The following CCDC124 variants were observed in gnomAD, a reference collection of about 807,000 sequenced individuals.
CCDC124 encodes coiled-coil domain-containing protein 124.
Under a neutral mutation model 19.8 loss-of-function variants are expected in CCDC124, and 9 were observed. The ratio of observed to expected loss-of-function variants is 0.45; its 90% CI spans 0.27 to 0.79. The LOEUF (loss-of-function observed/expected upper bound fraction) is 0.79. Among genes scored for constraint, CCDC124 ranks in the 30% least tolerant of loss-of-function variants. The pLI is 0.14. For missense variants in CCDC124, 285 were observed against 319.0 expected (o/e 0.89, Z 0.81); for synonymous variants, 126 against 131.3 (o/e 0.96, Z 0.27).
At chr19:17,940,353 G>A (rs2031152681) in intron 2 of CCDC124, among the ~76,000 whole-genome samples, 1 of 152,148 alleles carries the variant, frequency 6.6e-6, no homozygotes, top group East Asian at 1.9e-4. Context: ...TTGGGGCCAG[G>A]TGGTGAATAG....
At chr19:17,943,428 C>A in intron 4 of CCDC124, 53 bp downstream of exon 4, 1 of 325,696 alleles carries the variant, frequency 3.1e-6, no homozygotes, top group Non-Finnish European at 5.1e-6. Context: ...TCATCGGGGG[C>A]GGGGCTACCT....
rs149338568 is a variant in CCDC124, at chr19:17,943,687, G to A, written c.644G>A (p.Arg215Gln). ...TCTCCTGACAACCCCATGAACCAGCGGGCCGTGCCCTTCAATGCCCCCAAG... is the reference window on the plus strand; with the variant it reads ...TCTCCTGACAACCCCATGAACCAGCAGGCCGTGCCCTTCAATGCCCCCAAG... Reference protein sequence around the residue: ...LRSPDNPMNQRAVPFNAPK With the variant: ...LRSPDNPMNQQAVPFNAPK Residue 215 changes from arginine to glutamine, a missense_variant, in exon 5 of 5, where the codon CGG becomes CAG. Transcript: ENST00000445755. 2.4e-5 allele frequency: 39 copies of A among 1,612,806 alleles called. No homozygotes were observed. In the East Asian group the frequency reaches 5.3e-4, roughly 22 times the overall value.
At position 17,942,282 on chromosome 19, in the gene CCDC124, C is replaced by G. The variant is rs1221764432; in HGVS notation, c.160-374C>G. On this transcript the variant is annotated intron_variant, in intron 2 of 4. Coordinates refer to ENST00000445755, the MANE Select transcript of CCDC124 (RefSeq NM_001136203.2). The surrounding 1 kb of genome is among the most constrained non-coding windows in gnomAD (Gnocchi z 4.2). ...CCGTCTCCCTCCCGGCCTCTTCCCC[C>G]TCCCGCTTCACTCCCACTCCAGCCT... Among the ~76,000 whole-genome samples the G allele has an allele frequency of 1.3e-5, 2 of 152,170 alleles. No homozygotes were observed. The highest frequency in any genetic ancestry group is 4.8e-5 in the African/African-American group (2 of 41,444).
At chr19:17,935,151 ATCC>A (rs1285062040) in intron 1 of CCDC124, 3 of 152,816 alleles carry the variant, frequency 2.0e-5, no homozygotes, top group African/African-American at 7.2e-5. Flanking sequence ...GCCTCAAGCA[ATCC>A]TCCTGCCTCA....
Position 17,943,491 on chromosome 19 carries a change from C to A in CCDC124, c.465-17C>A, listed in dbSNP as rs1199429604. 2.5e-6 allele frequency: 4 copies of A among 1,607,016 alleles called. No individual in the cohort carries two copies. The highest frequency in any genetic ancestry group is 3.4e-6 in the Non-Finnish European group (4 of 1,178,112). On this transcript the variant is annotated splice_polypyrimidine_tract_variant and intron_variant, in intron 4 of 4. Transcript: ENST00000445755. The stretch of plus-strand genomic sequence containing the variant: ...AGGCTGCGCCCAAGGCCCCCTGACG[C>A]TCATGTCCACCCCCAGCGTGGCGGA...
chr19:17,938,128 C>A (rs995788753), intron 2 of CCDC124, among the ~76,000 whole-genome samples: 1 of 152,170 alleles, frequency 6.6e-6, no homozygotes, highest in Non-Finnish European at 1.5e-5. Flanking sequence ...TTGCTTGAGG[C>A]CAGGAGCTCC....
chr19:17,942,883 C>T lies in CCDC124; in HGVS notation c.349+38C>T. On this transcript the variant is annotated intron_variant, in intron 3 of 4. Transcript: ENST00000445755. The surrounding 1 kb of genome is among the most constrained non-coding windows in gnomAD (Gnocchi z 4.2). ...CCCGCTCTGGAGCTGCACTTTTGCC[C>T]ACTGCAGAGGCAGTGGACCTTGAGT... 2.7e-6 allele frequency: 4 copies of T among 1,472,678 alleles called. No individual in the cohort carries two copies. The highest frequency in any genetic ancestry group is 3.6e-6 in the Non-Finnish European group (4 of 1,112,758). 91.2% of individuals were successfully genotyped at this position (1,472,678 alleles called of 1,614,324 possible).
rs1380103864 is a variant in CCDC124 at position 17,942,327 on chromosome 19, A to G, written c.160-329A>G. 6.6e-6 allele frequency among the ~76,000 whole-genome samples: 1 copy of G among 151,976 alleles called. No individual in the cohort carries two copies. The highest frequency in any genetic ancestry group is 1.5e-5 in the Non-Finnish European group (1 of 67,984). The stretch of plus-strand genomic sequence containing the variant: ...CAGCCTCCAAGCTGTTCCTGTTACA[A>G]CAAATGGCTCCTGCCTCGGCGCCTT... On this transcript the variant is annotated intron_variant, in intron 2 of 4. Transcript: ENST00000445755. The surrounding 1 kb of genome is among the most constrained non-coding windows in gnomAD (Gnocchi z 4.2).
chr19:17,935,644 C>T (rs554425027), intron 1 of CCDC124, among the ~76,000 whole-genome samples: 5 of 151,790 alleles, frequency 3.3e-5, no homozygotes, highest in East Asian at 1.9e-4. Flanking sequence ...TGCAGTTGCA[C>T]GATCTCGGCT....
chr19:17,942,851 G>T lies in CCDC124; in HGVS notation c.349+6G>T, dbSNP rs931486784. The T allele has an allele frequency of 7.6e-5, 114 of 1,493,566 alleles. No individual in the cohort carries two copies. The highest frequency in any genetic ancestry group is 9.6e-5 in the Non-Finnish European group (108 of 1,121,814). The allele number at this position is 1,493,566 out of a possible 1,614,324, so 92.5% of individuals were successfully genotyped here. Reference sequence around the variant, plus strand: ...CAGGGAGGCCCCGGACACAGGTCGGGCGGCATCCCGCTCTGGAGCTGCACT... The same window carrying T: ...CAGGGAGGCCCCGGACACAGGTCGGTCGGCATCCCGCTCTGGAGCTGCACT... On this transcript the variant is annotated splice_donor_region_variant and intron_variant, in intron 3 of 4. Coordinates refer to ENST00000445755, the MANE Select transcript of CCDC124 (RefSeq NM_001136203.2). The surrounding 1 kb of genome is among the most constrained non-coding windows in gnomAD (Gnocchi z 4.2).
chr19:17,936,610 A>G (rs781599161), intron 2 of CCDC124, 31 bp downstream of exon 2: 36 of 1,595,762 alleles, frequency 2.3e-5, no homozygotes, highest in Admixed American at 3.5e-5. Flanking sequence ...CGCGGCCCGC[A>G]TGCCTTGTGG....
At chr19:17,937,703 A>G (rs2031094692) in intron 2 of CCDC124, among the ~76,000 whole-genome samples, 1 of 152,058 alleles carries the variant, frequency 6.6e-6, no homozygotes, top group Non-Finnish European at 1.5e-5. Flanking sequence ...CTGTTGACCC[A>G]GGTCCACAGG....
rs1231061712 is a variant in CCDC124 at position 17,943,513 on chromosome 19, C to T, written c.470C>T (p.Ala157Val). 3.7e-6 allele frequency: 6 copies of T among 1,610,522 alleles called. No individual in the cohort carries two copies. The Admixed American group carries it at 5.0e-5, about 13-fold the overall frequency. Residue 157 changes from alanine to valine, a missense_variant, in exon 5 of 5, where the codon GCG becomes GTG. Physicochemically the swap from Ala to Val is moderately conservative, Grantham distance 64. Coordinates refer to ENST00000445755, the MANE Select transcript of CCDC124 (RefSeq NM_001136203.2). ...IEDAIAVLSV[A>V]EEAADRHPER... ...ACGCTCATGTCCACCCCCAGCGTGGCGGAGGAGGCGGCCGACCGGCACCCA... is the reference window on the plus strand; with the variant it reads ...ACGCTCATGTCCACCCCCAGCGTGGTGGAGGAGGCGGCCGACCGGCACCCA...
intron 2 of CCDC124, 175 bp downstream of exon 2, chr19:17,936,754 G>T: frequency 1.5e-6 from 1 of 689,138 alleles, no homozygotes; most frequent in Non-Finnish European, 2.3e-6. Flanking sequence ...GCCGAGGCAG[G>T]CAGATCACCT....
intron 2 of CCDC124, among the ~76,000 whole-genome samples, chr19:17,939,601 G>C (rs978671144): frequency 1.3e-5 from 2 of 151,890 alleles, no homozygotes; most frequent in African/African-American, 2.4e-5. Flanking sequence ...GCTGGAGCCA[G>C]ACTGGCACCT....
At chr19:17,939,613 C>T (rs570199919) in intron 2 of CCDC124, among the ~76,000 whole-genome samples, 1 of 151,778 alleles carries the variant, frequency 6.6e-6, no homozygotes, top group South Asian at 2.1e-4. Context: ...CTGGCACCTT[C>T]TCCTTTGTTA....
Position 17,942,635 on chromosome 19 carries a change from C to T in CCDC124, c.160-21C>T. ...CGGGGGTGTGGGGTCTTCTGCCTGA[C>T]CATGCACGCCGCCCCCGCAGGAGGA... On this transcript the variant is annotated intron_variant, in intron 2 of 4. Transcript: ENST00000445755. This position sits in a 1 kb window ranked among gnomAD's most constrained non-coding sequence, Gnocchi z 4.2. 6.4e-7 allele frequency: 1 copy of T among 1,551,030 alleles called. No homozygotes were observed. The highest frequency in any genetic ancestry group is 2.0e-5 in the Admixed American group (1 of 50,890).
In CCDC124 at chr19:17,942,619, G is replaced by C. The variant is rs1175708234; in HGVS notation, c.160-37G>C. On this transcript the variant is annotated intron_variant, in intron 2 of 4. Transcript: ENST00000445755. This position sits in a 1 kb window ranked among gnomAD's most constrained non-coding sequence, Gnocchi z 4.2. Reference sequence around the variant, plus strand: ...AGGCTAGTGGGTGGCGCGGGGGTGTGGGGTCTTCTGCCTGACCATGCACGC... The same window carrying C: ...AGGCTAGTGGGTGGCGCGGGGGTGTCGGGTCTTCTGCCTGACCATGCACGC... The C allele has an allele frequency of 3.2e-6, 5 of 1,547,368 alleles. No homozygotes were observed. In the African/African-American group the frequency reaches 5.5e-5, roughly 17 times the overall value.
intron 1 of CCDC124, among the ~76,000 whole-genome samples, chr19:17,934,898 TTGTTTC>T (rs2031026322): frequency 3.1e-5 from 1 of 32,138 alleles, no homozygotes; most frequent in African/African-American, 2.5e-4. Flanking sequence ...TATTGGTGCC[TTGTTTC>T]CTTGTTTCCT....
Sources: gnomAD v4.1 joint callset for allele counts (sites outside exome capture counted in the v4.1 genomes callset) on GRCh38, gnomAD v4.1.1 for gene constraint, Gnocchi (gnomAD v3.1) non-coding constraint, MANE v1.5 for transcripts, NCBI Gene and HGNC (gene_info 2026-07-23, HGNC 2026-07-21) for gene names.